The following GRID1 variants were observed in gnomAD, a reference collection of about 807,000 sequenced individuals.
The protein encoded by GRID1 is glutamate receptor ionotropic, delta-1.
GRID1 carries 28 observed loss-of-function variants against 98.0 expected under a neutral mutation model. That is an observed-to-expected ratio of 0.29 (90% CI 0.21 to 0.39). The LOEUF (loss-of-function observed/expected upper bound fraction) is 0.39. GRID1 is among the 10% of genes least tolerant of loss of function. The probability of loss-of-function intolerance (pLI) is 1.00; values close to 1 mark genes in which losing one functional copy is unlikely to be tolerated. For synonymous variants in GRID1, 553 were observed against 538.5 expected (o/e 1.03, Z -0.37); for missense variants, 1,111 against 1,340.5 (o/e 0.83, Z 2.67).
At chr10:85,796,180 G>A (rs995789162) in intron 8 of GRID1, among the ~76,000 whole-genome samples, 1 of 152,098 alleles carries the variant, frequency 6.6e-6, no homozygotes, top group South Asian at 2.1e-4. Flanking sequence ...GATAATTCTG[G>A]GAAAACTAAT....
intron 3 of GRID1, among the ~76,000 whole-genome samples, chr10:86,179,542 C>G (rs1327161965): frequency 6.6e-6 from 1 of 152,192 alleles, no homozygotes; most frequent in Non-Finnish European, 1.5e-5. Flanking sequence ...AAGTGGAAAG[C>G]CACAGAGAAC....
intron 2 of GRID1, among the ~76,000 whole-genome samples, chr10:86,219,870 T>C (rs574666763): frequency 1.2e-4 from 19 of 152,162 alleles, no homozygotes; most frequent in Middle Eastern, 3.4e-3. Context: ...GTCCAGCCAG[T>C]CCACAGATGC....
intron 12 of GRID1, among the ~76,000 whole-genome samples, chr10:85,677,945 C>G (rs937419191): frequency 3.9e-5 from 6 of 152,008 alleles, no homozygotes; most frequent in African/African-American, 1.4e-4. Context: ...CCAGAAACGC[C>G]CCAGACACCA....
intron 2 of GRID1, among the ~76,000 whole-genome samples, chr10:86,347,244 C>A (rs951215374): frequency 4.6e-5 from 7 of 152,184 alleles, no homozygotes; most frequent in South Asian, 4.1e-4. Context: ...TCCAATCCCC[C>A]CTTAACGTGA....
rs560268708 is a variant in GRID1, at chr10:85,791,044, C to T, written c.1234-61430G>A. Among the ~76,000 whole-genome samples the T allele has an allele frequency of 2.2e-4, 33 of 152,322 alleles. No homozygotes were observed. The South Asian group carries it at 6.6e-3, about 31-fold the overall frequency. On this transcript the variant is annotated intron_variant, in intron 8 of 15. Coordinates refer to ENST00000327946, the MANE Select transcript of GRID1 (RefSeq NM_017551.3). Reference sequence around the variant, plus strand: ...TCCCAGAGACAACGAGTGACTTCATCCCTAGCGATGGCCACCCATGGTGAC... The same window carrying T: ...TCCCAGAGACAACGAGTGACTTCATTCCTAGCGATGGCCACCCATGGTGAC...
chr10:85,773,105 C>T (rs1452615545), intron 8 of GRID1, among the ~76,000 whole-genome samples: 2 of 152,206 alleles, frequency 1.3e-5, no homozygotes, highest in Non-Finnish European at 2.9e-5. Flanking sequence ...TCCAGCAGCA[C>T]ATCAAAAACC....
intron 4 of GRID1, among the ~76,000 whole-genome samples, chr10:86,074,238 G>C (rs1205522717): frequency 3.9e-5 from 6 of 152,160 alleles, no homozygotes; most frequent in Admixed American, 3.3e-4. Context: ...ACCCTGCTCT[G>C]ACATCAAACA....
intron 2 of GRID1, among the ~76,000 whole-genome samples, chr10:86,353,504 G>A (rs1477097580): frequency 2.6e-5 from 4 of 151,954 alleles, no homozygotes; most frequent in African/African-American, 4.8e-5. Context: ...TCACACTGCT[G>A]GACTGTCCAG....
At chr10:85,871,655 A>T (rs563891232) in intron 5 of GRID1, among the ~76,000 whole-genome samples, 2 of 152,332 alleles carry the variant, frequency 1.3e-5, no homozygotes, top group South Asian at 4.1e-4. Flanking sequence ...GGAATTAGTG[A>T]TGAGGGTTTC....
chr10:85,646,972 A>G, intron 13 of GRID1: 4 of 566,112 alleles, frequency 7.1e-6, no homozygotes, highest in South Asian at 6.2e-5. Context: ...GTCAGGCTTA[A>G]TCTGCCTGCT....
At chr10:85,688,371 T>C (rs1841292700) in intron 12 of GRID1, among the ~76,000 whole-genome samples, 1 of 152,100 alleles carries the variant, frequency 6.6e-6, no homozygotes, top group South Asian at 2.1e-4. Flanking sequence ...AGGTATTGGG[T>C]GAATTTTTTA....
rs978741330 is a variant in GRID1, at chr10:85,742,361, T to C, written c.1234-12747A>G. Among the ~76,000 whole-genome samples the C allele has an allele frequency of 2.0e-5, 3 of 152,188 alleles. No individual in the cohort carries two copies. In the East Asian group the frequency reaches 5.8e-4, roughly 29 times the overall value. Reference sequence around the variant, plus strand: ...TAGTGGAGTTGGGTTCTAGTAGACTTTACTTAGAAATTAAGCGGCAGGCTG... The same window carrying C: ...TAGTGGAGTTGGGTTCTAGTAGACTCTACTTAGAAATTAAGCGGCAGGCTG... On this transcript the variant is annotated intron_variant, in intron 8 of 15. Transcript: ENST00000327946.
chr10:85,758,110 A>G (rs572802518), intron 8 of GRID1, among the ~76,000 whole-genome samples: 4 of 152,324 alleles, frequency 2.6e-5, no homozygotes, highest in African/African-American at 9.6e-5. Context: ...CCATTTCTGC[A>G]TCTGTTACTA....
intron 4 of GRID1, among the ~76,000 whole-genome samples, chr10:86,138,585 C>T (rs1352166519): frequency 8.5e-5 from 13 of 152,208 alleles, no homozygotes; most frequent in Admixed American, 8.5e-4. Context: ...CCAGCCTCCC[C>T]ACAGCTCTTC....
chr10:86,059,508 A>T (rs375765733), intron 4 of GRID1, among the ~76,000 whole-genome samples: 1 of 152,144 alleles, frequency 6.6e-6, no homozygotes, highest in African/African-American at 2.4e-5. Flanking sequence ...GGCAAAGGTA[A>T]TTTTTTTTCC....
rs564145936 is a variant in GRID1 at position 85,790,008 on chromosome 10, T to G, written c.1234-60394A>C. Among the ~76,000 whole-genome samples the G allele has an allele frequency of 5.3e-5, 8 of 152,290 alleles. No homozygotes were observed. In the East Asian group the frequency reaches 1.4e-3, roughly 26 times the overall value. On this transcript the variant is annotated intron_variant, in intron 8 of 15. Coordinates refer to ENST00000327946, the MANE Select transcript of GRID1 (RefSeq NM_017551.3). ...CTCCGGAGAGCCCTCTCCCTTTTCC[T>G]GACTCTGCCTCTGGCCTCAGCTTAG...
Position 86,033,035 on chromosome 10 carries a change from C to T in GRID1, c.726+105784G>A, listed in dbSNP as rs985849321. On this transcript the variant is annotated intron_variant, in intron 4 of 15. Coordinates refer to ENST00000327946, the MANE Select transcript of GRID1 (RefSeq NM_017551.3). ...AAGAAATTTTGCAAACATGAAAATT[C>T]AAGCCCAGAAACTTAAGCTTTCCAA... 4.0e-5 allele frequency among the ~76,000 whole-genome samples: 6 copies of T among 151,652 alleles called. No homozygotes were observed. The South Asian group carries it at 1.3e-3, about 32-fold the overall frequency.
At chr10:86,064,460 G>A (rs778213193) in intron 4 of GRID1, among the ~76,000 whole-genome samples, 2 of 152,246 alleles carry the variant, frequency 1.3e-5, no homozygotes, top group Non-Finnish European at 2.9e-5. Context: ...AGTTACCAGA[G>A]GTGCTAGGCA....
At chr10:86,001,552 T>C (rs1842802582) in intron 4 of GRID1, among the ~76,000 whole-genome samples, 1 of 152,190 alleles carries the variant, frequency 6.6e-6, no homozygotes. Context: ...TCAATCTTTC[T>C]TGTTTGTCAG....
Sources: gnomAD v4.1 joint callset for allele counts (sites outside exome capture counted in the v4.1 genomes callset) on GRCh38, gnomAD v4.1.1 for gene constraint, MANE v1.5 for transcripts, NCBI Gene and HGNC (gene_info 2026-07-23, HGNC 2026-07-21) for gene names.